The following KIRREL3 variants were observed in gnomAD, a reference collection of about 807,000 sequenced individuals.
KIRREL3 encodes the protein kin of IRRE-like protein 3.
In KIRREL3, 36 loss-of-function variants were observed where a neutral mutation model predicts 89.7. The ratio of observed to expected loss-of-function variants is 0.40; its 90% CI spans 0.31 to 0.53. KIRREL3 has a LOEUF of 0.53. Ranked by LOEUF, KIRREL3 falls within the 20% of genes least tolerant of loss-of-function variation. KIRREL3 has a pLI of 0.49. For synonymous variants in KIRREL3, 445 were observed against 441.4 expected (o/e 1.01, Z -0.10); for missense variants, 864 against 1,056.6 (o/e 0.82, Z 2.53).
At position 126,810,772 on chromosome 11, in the gene KIRREL3, C is replaced by T. The variant is rs540133005; in HGVS notation, c.55+189683G>A. 3.9e-4 allele frequency among the ~76,000 whole-genome samples: 59 copies of T among 152,300 alleles called. No homozygotes were observed. In the South Asian group the frequency reaches 5.0e-3, roughly 13 times the overall value. On this transcript the variant is annotated intron_variant, in intron 1 of 16. Coordinates refer to ENST00000525144, the MANE Select transcript of KIRREL3 (RefSeq NM_032531.4). ...GAGTAATGGGAAGAGATGAAGACCTCATGGACTACTGAGTCTGAAACACCA... is the reference window on the plus strand; with the variant it reads ...GAGTAATGGGAAGAGATGAAGACCTTATGGACTACTGAGTCTGAAACACCA...
rs545643069 is a variant in KIRREL3 at position 126,830,367 on chromosome 11, G to C, written c.55+170088C>G. 6.6e-6 allele frequency among the ~76,000 whole-genome samples: 1 copy of C among 152,234 alleles called. No individual in the cohort carries two copies. The highest frequency in any genetic ancestry group is 2.1e-4 in the South Asian group (1 of 4,808). Reference sequence around the variant, plus strand: ...AGTATGAACAGCATCATTACCAAGTGGCGCCCACAGAATGGAACACAAAGG... The same window carrying C: ...AGTATGAACAGCATCATTACCAAGTCGCGCCCACAGAATGGAACACAAAGG... On this transcript the variant is annotated intron_variant, in intron 1 of 16. Coordinates refer to ENST00000525144, the MANE Select transcript of KIRREL3 (RefSeq NM_032531.4). This position sits in a 1 kb window ranked among gnomAD's most constrained non-coding sequence, Gnocchi z 4.9.
At chr11:126,720,687 G>C (rs1013840839) in intron 1 of KIRREL3, among the ~76,000 whole-genome samples, 3 of 152,212 alleles carry the variant, frequency 2.0e-5, no homozygotes, top group African/African-American at 7.2e-5. Flanking sequence ...AGTTATGTTA[G>C]GGCTGCAGGC....
chr11:126,753,362 C>G (rs1949397557), intron 1 of KIRREL3, among the ~76,000 whole-genome samples: 1 of 152,156 alleles, frequency 6.6e-6, no homozygotes, highest in Admixed American at 6.5e-5. Context: ...TCAGTTACTC[C>G]AAGGAGCCAC....
In KIRREL3 at chr11:126,999,035, C is replaced by T. The variant is rs1255226399; in HGVS notation, c.55+1420G>A. Among the ~76,000 whole-genome samples, 1 of 148,942 alleles carries T rather than the reference C, an allele frequency of 6.7e-6. No individual in the cohort carries two copies. Among genetic ancestry groups the T allele is most frequent in the Non-Finnish European group, 1.5e-5 (1 of 67,746 alleles). On this transcript the variant is annotated intron_variant, in intron 1 of 16. Transcript: ENST00000525144. This position sits in a 1 kb window ranked among gnomAD's most constrained non-coding sequence, Gnocchi z 5.7. ...TAATATAACTGAACCTGTCTCTATA[C>T]CAGTGTTCTGAGAGAGTTCTTATTC...
At chr11:126,950,142 G>A (rs1014792247) in intron 1 of KIRREL3, among the ~76,000 whole-genome samples, 2 of 152,184 alleles carry the variant, frequency 1.3e-5, no homozygotes, top group Non-Finnish European at 2.9e-5. Flanking sequence ...GGGAGGCCGA[G>A]GCAGGTGGAT....
rs760181256 is a variant in KIRREL3 at position 126,642,444 on chromosome 11, A to G, written c.56-79532T>C. Among the ~76,000 whole-genome samples, 6 of 152,220 alleles carry G rather than the reference A, an allele frequency of 3.9e-5. No individual in the cohort carries two copies. Among genetic ancestry groups the G allele is most frequent in the Non-Finnish European group, 8.8e-5 (6 of 68,050 alleles). ...TTGCCTCTCTGTGAAAGCACATTACAATGTGGCCTAGCCCAAGCTAGACTC... is the reference window on the plus strand; with the variant it reads ...TTGCCTCTCTGTGAAAGCACATTACGATGTGGCCTAGCCCAAGCTAGACTC... On this transcript the variant is annotated intron_variant, in intron 1 of 16. Transcript: ENST00000525144. This position sits in a 1 kb window ranked among gnomAD's most constrained non-coding sequence, Gnocchi z 4.9.
intron 1 of KIRREL3, among the ~76,000 whole-genome samples, chr11:126,816,558 T>G (rs1352567972): frequency 6.6e-6 from 1 of 152,258 alleles, no homozygotes; most frequent in Non-Finnish European, 1.5e-5. Context: ...GTCCTGGCTA[T>G]GTTTCCATTT....
At position 126,570,099 on chromosome 11, in the gene KIRREL3, C is replaced by T. The variant is rs914268951; in HGVS notation, c.56-7187G>A. Among the ~76,000 whole-genome samples, 43 of 152,094 alleles carry T rather than the reference C, an allele frequency of 2.8e-4. No individual in the cohort carries two copies. The highest frequency in any genetic ancestry group is 1.0e-3 in the African/African-American group (43 of 41,396). On this transcript the variant is annotated intron_variant, in intron 1 of 16. Transcript: ENST00000525144. The surrounding 1 kb of genome is among the most constrained non-coding windows in gnomAD (Gnocchi z 6.1). Reference sequence around the variant, plus strand: ...AAAGGTATATTAATCCTGACTAGTGCCTGGCCCTGGACCTCCAGGACGAGT... The same window carrying T: ...AAAGGTATATTAATCCTGACTAGTGTCTGGCCCTGGACCTCCAGGACGAGT...
At chr11:126,602,490 G>A (rs1942704343) in intron 1 of KIRREL3, among the ~76,000 whole-genome samples, 1 of 152,196 alleles carries the variant, frequency 6.6e-6, no homozygotes, top group African/African-American at 2.4e-5. Flanking sequence ...ATCCTGTGCT[G>A]TCATCCTCCC....
rs1943836821 is a variant in KIRREL3, at chr11:126,627,389, A to T, written c.56-64477T>A. The stretch of plus-strand genomic sequence containing the variant: ...GTTCCTATAGGCCGCCCTTTAGGCA[A>T]ACCTTATTGCTTAGGCTGGCTTTTG... On this transcript the variant is annotated intron_variant, in intron 1 of 16. Transcript: ENST00000525144. The surrounding 1 kb of genome is among the most constrained non-coding windows in gnomAD (Gnocchi z 5.0). 6.6e-6 allele frequency among the ~76,000 whole-genome samples: 1 copy of T among 152,180 alleles called. No individual in the cohort carries two copies. Among genetic ancestry groups the T allele is most frequent in the South Asian group, 2.1e-4 (1 of 4,828 alleles).
intron 1 of KIRREL3, among the ~76,000 whole-genome samples, chr11:126,932,502 C>G (rs922147089): frequency 6.6e-6 from 1 of 152,140 alleles, no homozygotes; most frequent in African/African-American, 2.4e-5. Flanking sequence ...CAGATATGAC[C>G]ATCAACATTA....
In KIRREL3 at chr11:126,768,028, GA is replaced by G. The variant is rs1949885896; in HGVS notation, c.56-205117del. 6.6e-6 allele frequency among the ~76,000 whole-genome samples: 1 copy of G among 152,210 alleles called. No homozygotes were observed. The highest frequency in any genetic ancestry group is 2.4e-5 in the African/African-American group (1 of 41,436). On this transcript the variant is annotated intron_variant, in intron 1 of 16. Transcript: ENST00000525144. The surrounding 1 kb of genome is among the most constrained non-coding windows in gnomAD (Gnocchi z 4.5). ...ATCCAAAGCCCTGTGTTCTGCTTCT[GA>G]AATGTCTCTCCATCCTCAAAATTTT...
In KIRREL3 at chr11:126,656,846, G is replaced by C. The variant is rs1449791247; in HGVS notation, c.56-93934C>G. ...GTGTGTGCATCGCTTGGGGCTGGGA[G>C]TCCCAGACCAGCCTGGCTGTCGTGG... On this transcript the variant is annotated intron_variant, in intron 1 of 16. Coordinates refer to ENST00000525144, the MANE Select transcript of KIRREL3 (RefSeq NM_032531.4). The surrounding 1 kb of genome is among the most constrained non-coding windows in gnomAD (Gnocchi z 4.0). Among the ~76,000 whole-genome samples the C allele has an allele frequency of 6.6e-6, 1 of 152,170 alleles. No individual in the cohort carries two copies. The highest frequency in any genetic ancestry group is 1.5e-5 in the Non-Finnish European group (1 of 68,032).
chr11:126,527,540 C>A lies in KIRREL3; in HGVS notation c.134-853G>T, dbSNP rs998233415. Among the ~76,000 whole-genome samples the A allele has an allele frequency of 6.6e-6, 1 of 152,114 alleles. No homozygotes were observed. Reference sequence around the variant, plus strand: ...TAAAAATAGTAGGCACTATTTTTATCCCCATTTTCCAGATGGGAAAATGAG... The same window carrying A: ...TAAAAATAGTAGGCACTATTTTTATACCCATTTTCCAGATGGGAAAATGAG... On this transcript the variant is annotated intron_variant, in intron 2 of 16. Coordinates refer to ENST00000525144, the MANE Select transcript of KIRREL3 (RefSeq NM_032531.4). This position sits in a 1 kb window ranked among gnomAD's most constrained non-coding sequence, Gnocchi z 4.2.
chr11:126,691,122 A>G lies in KIRREL3; in HGVS notation c.56-128210T>C, dbSNP rs544224708. On this transcript the variant is annotated intron_variant, in intron 1 of 16. Coordinates refer to ENST00000525144, the MANE Select transcript of KIRREL3 (RefSeq NM_032531.4). Reference sequence around the variant, plus strand: ...ACCAATCTCACCCACTCGGCTGTTAAGAGTATGGAAGTATGACAATATCGG... The same window carrying G: ...ACCAATCTCACCCACTCGGCTGTTAGGAGTATGGAAGTATGACAATATCGG... Among the ~76,000 whole-genome samples the G allele has an allele frequency of 2.6e-5, 4 of 152,334 alleles. No individual in the cohort carries two copies. The East Asian group carries it at 7.7e-4, about 29-fold the overall frequency.
chr11:126,467,307 C>T (rs959463419), intron 5 of KIRREL3, among the ~76,000 whole-genome samples: 3 of 152,180 alleles, frequency 2.0e-5, no homozygotes, highest in African/African-American at 7.2e-5. Context: ...TCCCCAGCAC[C>T]GGCCTGGGAG....
At chr11:126,929,322 C>A (rs528386484) in intron 1 of KIRREL3, among the ~76,000 whole-genome samples, 2 of 152,028 alleles carry the variant, frequency 1.3e-5, no homozygotes, top group African/African-American at 2.4e-5. Context: ...CGAATGAAAT[C>A]CAGACAGGGA....
intron 5 of KIRREL3, among the ~76,000 whole-genome samples, chr11:126,467,002 G>C (rs966372108): frequency 6.6e-6 from 1 of 152,256 alleles, no homozygotes; most frequent in Non-Finnish European, 1.5e-5. Context: ...GCTCCCAAGA[G>C]TCCCCGAGGA....
chr11:126,533,270 C>T (rs1428930164), intron 2 of KIRREL3, among the ~76,000 whole-genome samples: 1 of 152,206 alleles, frequency 6.6e-6, no homozygotes, highest in Non-Finnish European at 1.5e-5. Context: ...GGGATATGAG[C>T]CCAGCAGTCT....
Sources: gnomAD v4.1 joint callset for allele counts (sites outside exome capture counted in the v4.1 genomes callset) on GRCh38, gnomAD v4.1.1 for gene constraint, Gnocchi (gnomAD v3.1) non-coding constraint, MANE v1.5 for transcripts, NCBI Gene and HGNC (gene_info 2026-07-23, HGNC 2026-07-21) for gene names.